The following CREB3L1 variants were observed in gnomAD, a reference collection of about 807,000 sequenced individuals.
CREB3L1 encodes the protein cAMP responsive element binding protein 3 like 1.
CREB3L1 carries 33 observed loss-of-function variants against 54.5 expected under a neutral mutation model. That is an observed-to-expected ratio of 0.61 (90% confidence interval 0.46 to 0.81). The LOEUF is 0.81. CREB3L1 is among the 30% of genes least tolerant of loss of function. The pLI, the probability that CREB3L1 is intolerant of heterozygous loss-of-function variation, is 0.00. For synonymous variants in CREB3L1, 284 were observed against 286.4 expected, an observed-to-expected ratio of 0.99 and a Z score of 0.08; for missense variants, 656 against 673.3, an observed-to-expected ratio of 0.97 and a Z score of 0.29.
At chr11:46,314,068 T>C (rs1939531363) in intron 8 of CREB3L1, among the ~76,000 whole-genome samples, 1 of 151,838 alleles carries the variant, frequency 6.6e-6, no homozygotes, top group African/African-American at 2.4e-5. Context: ...GAAACCCCCA[T>C]CTCTACTAAA....
chr11:46,311,239 CCACCTGAG>C, intron 5 of CREB3L1, 50 bp downstream of exon 5: 1 of 1,468,140 alleles, frequency 6.8e-7, no homozygotes, highest in African/African-American at 1.4e-5. Flanking sequence ...TTGAATACAT[CCACCTGAG>C]CACACTGGCC....
chr11:46,312,584 A>AC (rs1221348586), intron 6 of CREB3L1, 28 bp from the exon 7 acceptor site: 11 of 1,609,330 alleles, frequency 6.8e-6, no homozygotes, highest in African/African-American at 1.3e-5. Context: ...GGCAGTGCTA[A>AC]CCCTTGTTTT....
chr11:46,317,430 T>A lies in CREB3L1; in HGVS notation c.1201T>A (p.Ser401Thr). 6.2e-7 allele frequency: 1 copy of A among 1,613,612 alleles called. No homozygotes were observed. Among genetic ancestry groups the A allele is most frequent in the East Asian group, 2.2e-5 (1 of 44,848 alleles). ...VPCLPEFSSG[S>T]QTVKEDPLAA... Reference sequence around the variant, plus strand: ...CTGCCTTCCCGAGTTCTCCTCCGGCTCCCAGACTGTGAAGGAAGACCCCCT... The same window carrying A: ...CTGCCTTCCCGAGTTCTCCTCCGGCACCCAGACTGTGAAGGAAGACCCCCT... Residue 401 changes from serine to threonine, a missense_variant, in exon 10 of 12, where the codon TCC becomes ACC. Around this residue, in one of 3 missense-constraint regions of CREB3L1, gnomAD observed 240 missense variants for 219.8 expected, o/e 1.09. Coordinates refer to ENST00000621158, the MANE Select transcript of CREB3L1 (RefSeq NM_052854.4).
At chr11:46,315,444 G>A (rs10838596) in intron 8 of CREB3L1, 88,696 of 213,480 alleles carry the variant, frequency 0.42, 24,120 homozygotes, top group African/African-American at 0.84. Context: ...AGTGGGACCC[G>A]GTCCTCACCC....
At chr11:46,286,790 A>G (rs958790656) in intron 1 of CREB3L1, among the ~76,000 whole-genome samples, 9 of 152,204 alleles carry the variant, frequency 5.9e-5, no homozygotes, top group Non-Finnish European at 1.2e-4. Context: ...GTCTCAAAAA[A>G]CAAACAGACA....
intron 2 of CREB3L1, among the ~76,000 whole-genome samples, chr11:46,300,541 C>T (rs992889409): frequency 4.6e-5 from 7 of 152,196 alleles, no homozygotes; most frequent in Non-Finnish European, 1.0e-4. Context: ...ATTTGCAAAC[C>T]GCTGACTTAG....
chr11:46,297,208 C>T (rs567176582), intron 1 of CREB3L1, among the ~76,000 whole-genome samples: 1 of 152,352 alleles, frequency 6.6e-6, no homozygotes, highest in South Asian at 2.1e-4. Flanking sequence ...GCCAGCGCGG[C>T]CCTGGCTGTG....
chr11:46,290,043 C>T (rs1050517873), intron 1 of CREB3L1, among the ~76,000 whole-genome samples: 2 of 152,154 alleles, frequency 1.3e-5, no homozygotes, highest in African/African-American at 4.8e-5. Flanking sequence ...CAGGTCCCTT[C>T]TCTCCTCTGA....
chr11:46,313,002 G>A (rs1221651052), intron 8 of CREB3L1, 83 bp downstream of exon 8: 1 of 1,047,524 alleles, frequency 9.5e-7, no homozygotes, highest in Non-Finnish European at 1.4e-6. Flanking sequence ...GGGAGACAGG[G>A]GAGAGGAGAG....
chr11:46,299,855 C>A, intron 1 of CREB3L1, 80 bp from the exon 2 acceptor site: 1 of 997,638 alleles, frequency 1.0e-6, no homozygotes. Context: ...TGGTGGGGTG[C>A]TGCACCACCA....
chr11:46,300,884 A>G (rs1179395699), intron 2 of CREB3L1, among the ~76,000 whole-genome samples: 1 of 151,988 alleles, frequency 6.6e-6, no homozygotes, highest in Non-Finnish European at 1.5e-5. Flanking sequence ...GGGCGCCTGT[A>G]GTCCCAGCTA....
intron 2 of CREB3L1, among the ~76,000 whole-genome samples, chr11:46,305,021 G>T (rs1034236556): frequency 1.3e-5 from 2 of 152,082 alleles, no homozygotes; most frequent in Non-Finnish European, 2.9e-5. Flanking sequence ...AACAGGGTGC[G>T]GCCTGGCCTC....
chr11:46,305,979 C>T lies in CREB3L1; in HGVS notation c.332-1837C>T, dbSNP rs574926499. On this transcript the variant is annotated intron_variant, in intron 2 of 11. Transcript: ENST00000621158. ...GTCTCGATCTCCTGACCTCATGATC[C>T]GCCCGTCTTAGCCTCCCAAAGTGTT... 1.7e-3 allele frequency among the ~76,000 whole-genome samples: 260 copies of T among 151,834 alleles called. 1 individual carries two copies. The highest frequency in any genetic ancestry group is 5.8e-3 in the African/African-American group (240 of 41,398).
At chr11:46,303,410 C>T (rs1939331487) in intron 2 of CREB3L1, among the ~76,000 whole-genome samples, 1 of 152,044 alleles carries the variant, frequency 6.6e-6, no homozygotes, top group Non-Finnish European at 1.5e-5. Context: ...TTTGGGAAGC[C>T]GAGGCAGGAG....
chr11:46,310,851 G>T, intron 4 of CREB3L1, 181 bp from the exon 5 acceptor site: 6 of 861,126 alleles, frequency 7.0e-6, no homozygotes, highest in Non-Finnish European at 9.8e-6. Context: ...TGGCTACCCA[G>T]ATGTCAACTG....
intron 1 of CREB3L1, among the ~76,000 whole-genome samples, chr11:46,289,316 T>C (rs1350806511): frequency 1.3e-5 from 2 of 152,022 alleles, no homozygotes; most frequent in African/African-American, 4.8e-5. Context: ...GAGGCAGAGG[T>C]TGCAGTGACC....
intron 10 of CREB3L1, among the ~76,000 whole-genome samples, chr11:46,319,654 G>A (rs1226869769): frequency 6.6e-6 from 1 of 152,022 alleles, no homozygotes; most frequent in Non-Finnish European, 1.5e-5. Flanking sequence ...AAGGTGGGAG[G>A]ATCACTTGAG....
At chr11:46,297,970 T>C (rs1430941430) in intron 1 of CREB3L1, among the ~76,000 whole-genome samples, 6 of 152,180 alleles carry the variant, frequency 3.9e-5, no homozygotes, top group East Asian at 1.9e-4. Flanking sequence ...ATGAGGTGAG[T>C]ACTAATCTAA....
intron 10 of CREB3L1, among the ~76,000 whole-genome samples, chr11:46,319,294 C>T (rs1028117253): frequency 5.9e-5 from 9 of 152,180 alleles, no homozygotes; most frequent in Admixed American, 1.3e-4. Context: ...GCTGCAGAGC[C>T]GGAGGGGCAG....
Sources: gnomAD v4.1 joint callset for allele counts (sites outside exome capture counted in the v4.1 genomes callset) on GRCh38, gnomAD v4.1.1 for gene constraint, gnomAD v4.1.1 regional missense constraint, MANE v1.5 for transcripts, NCBI Gene and HGNC (gene_info 2026-07-23, HGNC 2026-07-21) for gene names.